Variants in WDR11 observed in about 807,000 individuals in gnomAD.
WDR11 encodes the protein WD repeat-containing protein 11.
In WDR11, 83 loss-of-function variants were observed where a neutral mutation model predicts 151.2. That is an observed-to-expected ratio of 0.55 (90% CI 0.46 to 0.66). The LOEUF is 0.66. Among genes scored for constraint, WDR11 ranks in the 30% least tolerant of loss-of-function variants. WDR11 has a pLI of 0.00. For synonymous variants in WDR11, 484 were observed against 533.1 expected (o/e 0.91, Z 1.27); for missense variants, 1,301 against 1,480.9 (o/e 0.88, Z 1.99).
Position 120,860,221 on chromosome 10 carries a change from G to A in WDR11, c.465G>A (p.Lys155=), listed in dbSNP as rs1846095027. The A allele has an allele frequency of 6.2e-7, 1 of 1,614,058 alleles. No homozygotes were observed. The highest frequency in any genetic ancestry group is 1.3e-5 in the African/African-American group (1 of 74,930). The change falls in exon 4 of 29, where the codon AAG becomes AAA. Residue 155 remains lysine, a synonymous_variant. Coordinates refer to ENST00000263461, the MANE Select transcript of WDR11 (RefSeq NM_018117.12). ...ACACTGGCACCAAACTATGGAAGAA[G>A]AGCTATGCAGATAACATTCTTTCTT... ...NADTGTKLWK[K]SYADNILSFS...
intron 11 of WDR11, among the ~76,000 whole-genome samples, chr10:120,874,936 G>A (rs368809510): frequency 6.6e-6 from 1 of 151,856 alleles, no homozygotes; most frequent in African/African-American, 2.4e-5. Context: ...ACATGCATTA[G>A]GTATTTCTCC....
chr10:120,866,452 C>A, intron 7 of WDR11, 117 bp from the exon 8 acceptor site: 1 of 1,106,480 alleles, frequency 9.0e-7, no homozygotes. Flanking sequence ...CCATGCTTGA[C>A]ATTGCATTCA....
intron 17 of WDR11, 109 bp downstream of exon 17, chr10:120,889,293 A>T: frequency 3.6e-6 from 3 of 832,960 alleles, no homozygotes; most frequent in Non-Finnish European, 5.9e-6. Context: ...GCTGGAGTGC[A>T]GTGGTGCAAT....
intron 20 of WDR11, 75 bp from the exon 21 acceptor site, chr10:120,900,960 CA>C: frequency 9.1e-7 from 1 of 1,093,686 alleles, no homozygotes; most frequent in East Asian, 2.4e-5. Flanking sequence ...TATATTAACA[CA>C]ACTTTTTTCA....
chr10:120,885,971 G>T (rs375531530), intron 15 of WDR11, 33 bp downstream of exon 15: 31 of 1,611,526 alleles, frequency 1.9e-5, no homozygotes, highest in Non-Finnish European at 2.6e-5. Context: ...ACTGTCATTT[G>T]TGCCATTAGC....
intron 21 of WDR11, among the ~76,000 whole-genome samples, 158 bp downstream of exon 21, chr10:120,901,256 CTG>C (rs1217748029): frequency 1.3e-5 from 2 of 152,198 alleles, no homozygotes; most frequent in Admixed American, 6.5e-5. Context: ...CCGTTAGAGT[CTG>C]TGTTTTGCAG....
chr10:120,903,310 G>T, intron 23 of WDR11, 78 bp downstream of exon 23: 1 of 1,550,494 alleles, frequency 6.4e-7, no homozygotes, highest in South Asian at 1.1e-5. Flanking sequence ...TTAAACTTGG[G>T]AAACTTTCAA....
At chr10:120,858,929 A>G (rs1453171046) in intron 3 of WDR11, 133 bp downstream of exon 3, 2 of 1,106,116 alleles carry the variant, frequency 1.8e-6, no homozygotes, top group Non-Finnish European at 2.7e-6. Flanking sequence ...TGTTTTGCCT[A>G]TTCTGCTGAT....
At chr10:120,882,910 A>G (rs1847072275) in intron 13 of WDR11, among the ~76,000 whole-genome samples, 1 of 151,840 alleles carries the variant, frequency 6.6e-6, no homozygotes, top group Non-Finnish European at 1.5e-5. Context: ...AACTTAGATA[A>G]TTGAATTAAG....
Position 120,871,171 on chromosome 10 carries a change from G to A in WDR11, c.1296G>A (p.Gly432=). 6.2e-7 allele frequency: 1 copy of A among 1,614,046 alleles called. No homozygotes were observed. Among genetic ancestry groups the A allele is most frequent in the South Asian group, 1.1e-5 (1 of 91,076 alleles). Residue 432 remains glycine, a splice_region_variant and synonymous_variant, in exon 10 of 29, where the codon GGG becomes GGA. Transcript: ENST00000263461. ...LPDLSLDNMI[G]QSAIAGEEHP... Reference sequence around the variant, plus strand: ...TTTGTTATTTTTATTACAAATCAGGGCAAAGTGCAATTGCTGGGGAAGAAC... The same window carrying A: ...TTTGTTATTTTTATTACAAATCAGGACAAAGTGCAATTGCTGGGGAAGAAC...
chr10:120,859,081 T>G (rs1846045052), intron 3 of WDR11, among the ~76,000 whole-genome samples: 1 of 152,194 alleles, frequency 6.6e-6, no homozygotes, highest in Admixed American at 6.5e-5. Flanking sequence ...GGTACAATCT[T>G]GTAATCTAAG....
At chr10:120,870,105 AAAGTTATGT>A (rs1259272246) in intron 9 of WDR11, among the ~76,000 whole-genome samples, 2 of 152,098 alleles carry the variant, frequency 1.3e-5, no homozygotes, top group Non-Finnish European at 2.9e-5. Flanking sequence ...TTTTTTAACC[AAAGTTATGT>A]AGAGAGATTG....
At chr10:120,895,732 T>A (rs1847591662) in intron 19 of WDR11, among the ~76,000 whole-genome samples, 1 of 152,040 alleles carries the variant, frequency 6.6e-6, no homozygotes, top group African/African-American at 2.4e-5. Context: ...CTGGTAAGGA[T>A]AAAAGAAGAA....
chr10:120,889,346 T>C (rs1419543606), intron 17 of WDR11, 162 bp downstream of exon 17: 2 of 607,560 alleles, frequency 3.3e-6, no homozygotes, highest in Non-Finnish European at 5.9e-6. Flanking sequence ...CATGCCATTC[T>C]CCTGCCTCAG....
At position 120,883,826 on chromosome 10, in the gene WDR11, G is replaced by T. The variant is rs1847114997; in HGVS notation, c.1786G>T (p.Asp596Tyr). The T allele has an allele frequency of 6.2e-7, 1 of 1,613,384 alleles. No individual in the cohort carries two copies. Among genetic ancestry groups the T allele is most frequent in the Admixed American group, 1.7e-5 (1 of 59,962 alleles). Residue 596 changes from aspartate (D) to tyrosine (Y), a missense_variant, in exon 14 of 29, where the codon GAT becomes TAT. By Grantham distance (160) the Asp-to-Tyr change is radical. Coordinates refer to ENST00000263461, the MANE Select transcript of WDR11 (RefSeq NM_018117.12). ...CAGAGATAAACCCCTGGAGCTATGGGATGTTAGGACTTGTACCCTTCTTAG... is the reference window on the plus strand; with the variant it reads ...CAGAGATAAACCCCTGGAGCTATGGTATGTTAGGACTTGTACCCTTCTTAG... ...VFRDKPLELW[D>Y]VRTCTLLREM...
intron 11 of WDR11, among the ~76,000 whole-genome samples, chr10:120,875,641 A>G (rs7910091): frequency 6.6e-6 from 1 of 152,022 alleles, no homozygotes; most frequent in Non-Finnish European, 1.5e-5. Flanking sequence ...AGTAGCTAGG[A>G]CTACAGGCAC....
At chr10:120,897,206 C>G (rs891801930) in intron 19 of WDR11, among the ~76,000 whole-genome samples, 1 of 152,024 alleles carries the variant, frequency 6.6e-6, no homozygotes, top group Non-Finnish European at 1.5e-5. Context: ...AGTAAGGAAA[C>G]GGGAAGTGGG....
intron 21 of WDR11, among the ~76,000 whole-genome samples, chr10:120,901,413 C>A (rs1200427355): frequency 1.3e-5 from 2 of 152,142 alleles, no homozygotes; most frequent in Non-Finnish European, 2.9e-5. Flanking sequence ...TACTACAAAC[C>A]TCCATGAAGC....
intron 11 of WDR11, among the ~76,000 whole-genome samples, chr10:120,875,331 G>C (rs530824845): frequency 6.6e-6 from 1 of 152,306 alleles, no homozygotes; most frequent in South Asian, 2.1e-4. Context: ...TGAGTTCTGT[G>C]TATGCAGAGC....
Sources: gnomAD v4.1 joint callset for allele counts (sites outside exome capture counted in the v4.1 genomes callset) on GRCh38, gnomAD v4.1.1 for gene constraint, MANE v1.5 for transcripts, NCBI Gene and HGNC (gene_info 2026-07-23, HGNC 2026-07-21) for gene names.